The following FAM200A variants were observed in gnomAD, a reference collection of about 807,000 sequenced individuals.
FAM200A encodes ZBED8 like.
Under a neutral mutation model 44.2 loss-of-function variants are expected in FAM200A, and 26 were observed. The observed-to-expected ratio is 0.59, with a 90% confidence interval of 0.43 to 0.82. The LOEUF is 0.82. Ranked by LOEUF, FAM200A falls within the 40% of genes least tolerant of loss-of-function variation. The pLI is 0.00. For missense variants in FAM200A, 606 were observed against 669.5 expected, an observed-to-expected ratio of 0.91 and a Z score of 1.05; for synonymous variants, 206 against 244.4, an observed-to-expected ratio of 0.84 and a Z score of 1.47.
intron 1 of FAM200A, among the ~76,000 whole-genome samples, chr7:99,550,608 T>G (rs1040831449): frequency 1.3e-5 from 2 of 152,166 alleles, no homozygotes; most frequent in Non-Finnish European, 2.9e-5. Context: ...TAGGACACAT[T>G]TGAGACTTGG....
intron 1 of FAM200A, among the ~76,000 whole-genome samples, chr7:99,549,242 A>G (rs1436717464): frequency 6.8e-6 from 1 of 146,844 alleles, no homozygotes; most frequent in African/African-American, 2.5e-5. Context: ...TTCATGTTAC[A>G]TAGATCCATG....
At chr7:99,558,232 C>A (rs1041769392) in intron 1 of FAM200A, 2 of 152,324 alleles carry the variant, frequency 1.3e-5, no homozygotes, top group South Asian at 4.1e-4. Flanking sequence ...TCTGAGCAGG[C>A]ACCCCTGTGC....
intron 1 of FAM200A, among the ~76,000 whole-genome samples, chr7:99,550,275 T>A (rs1021846667): frequency 6.6e-6 from 1 of 152,058 alleles, no homozygotes; most frequent in African/African-American, 2.4e-5. Context: ...CAGGCCCAGC[T>A]AATTTTTGTC....
chr7:99,552,305 G>A (rs1045425289), upstream of FAM200A, among the ~76,000 whole-genome samples: 6 of 152,296 alleles, frequency 3.9e-5, no homozygotes, highest in Middle Eastern at 3.4e-3. Context: ...CCTTTATACC[G>A]CCCTGCTCAG....
chr7:99,547,688 G>A lies in FAM200A; in HGVS notation c.720C>T (p.His240=). The change falls in exon 2 of 2, where the codon CAC becomes CAT. Residue 240 remains histidine (H), a synonymous_variant. Transcript: ENST00000449309. The part of the protein sequence containing the change: ...EATHNNAVWN[H]CFIHREALVS... Reference sequence around the variant, plus strand: ...CCAAAGCTTCTCGATGAATAAAACAGTGATTCCAAACAGCATTGTTGTGGG... The same window carrying A: ...CCAAAGCTTCTCGATGAATAAAACAATGATTCCAAACAGCATTGTTGTGGG... 1 of 1,551,284 alleles carries A rather than the reference G, an allele frequency of 6.4e-7. No individual in the cohort carries two copies. Among genetic ancestry groups the A allele is most frequent in the Non-Finnish European group, 8.7e-7 (1 of 1,146,894 alleles).
chr7:99,547,979 T>C lies in FAM200A; in HGVS notation c.429A>G (p.Gln143=). 6.4e-7 allele frequency: 1 copy of C among 1,551,436 alleles called. No individual in the cohort carries two copies. Among genetic ancestry groups the C allele is most frequent in the Non-Finnish European group, 8.7e-7 (1 of 1,146,980 alleles). Residue 143 remains glutamine (Q), a synonymous_variant, in exon 2 of 2, where the codon CAA becomes CAG. Coordinates refer to ENST00000449309, the MANE Select transcript of FAM200A (RefSeq NM_145111.4). ...TTGCAATATCAGTGCTCTCATCGAG[T>C]TGGATTGCAAAGTCTATACCGGACT... ...RLQSGIDFAI[Q]LDESTDIASC...
chr7:99,558,236 C>G (rs1802764088), intron 1 of FAM200A: 1 of 152,354 alleles, frequency 6.6e-6, no homozygotes, highest in South Asian at 2.1e-4. Flanking sequence ...AGCAGGCACC[C>G]CTGTGCTACT....
rs919460861 is a variant in FAM200A, at chr7:99,552,075, T to A, written c.-321A>T. 1.0e-6 allele frequency: 1 copy of A among 985,376 alleles called. No individual in the cohort carries two copies. The highest frequency in any genetic ancestry group is 1.7e-5 in the African/African-American group (1 of 57,326). 61.0% of individuals were successfully genotyped at this position (985,376 alleles called of 1,614,324 possible). ...GGGGACCAGGAGCACTAGACTCACA[T>A]CCAAGCCCCCTGGCCTTCAGAGCCC... On this transcript the variant is annotated 5_prime_UTR_variant, in exon 1 of 2. An upstream start codon of the reference 5' UTR is lost. Transcript: ENST00000449309.
intron 1 of FAM200A, among the ~76,000 whole-genome samples, chr7:99,549,820 G>A (rs1444336491): frequency 1.3e-5 from 2 of 152,052 alleles, no homozygotes; most frequent in African/African-American, 4.8e-5. Context: ...AACACTGCAT[G>A]TTCTCATTCA....
upstream of FAM200A, among the ~76,000 whole-genome samples, chr7:99,555,282 T>A (rs1802656363): frequency 6.6e-6 from 1 of 152,166 alleles, no homozygotes; most frequent in Non-Finnish European, 1.5e-5. Flanking sequence ...CTTCTTACGA[T>A]GCCAAGGAAT....
intron 1 of FAM200A, among the ~76,000 whole-genome samples, chr7:99,549,984 C>T (rs1004163933): frequency 1.3e-5 from 2 of 151,692 alleles, no homozygotes; most frequent in Non-Finnish European, 2.9e-5. Context: ...ACCAACATGG[C>T]ACATGTATAC....
At position 99,551,876 on chromosome 7, in the gene FAM200A, T is replaced by C. The variant is rs1584226029; in HGVS notation, c.-122A>G. On this transcript the variant is annotated 5_prime_UTR_variant, in exon 1 of 2. Transcript: ENST00000449309. The stretch of plus-strand genomic sequence containing the variant: ...CACCTGTATCCAGGGACACCTCTGC[T>C]GGGGGACAGCGCTTGCCACCGCCGA... The C allele has an allele frequency of 1.0e-6, 1 of 985,506 alleles. No homozygotes were observed. The allele number at this position is 985,506 out of a possible 1,614,324, so 61.0% of individuals were successfully genotyped here.
chr7:99,552,598 G>C (rs1802562070), upstream of FAM200A, among the ~76,000 whole-genome samples: 1 of 152,122 alleles, frequency 6.6e-6, no homozygotes, highest in South Asian at 2.1e-4. Flanking sequence ...ATGTTTCCAG[G>C]GAGTTTTCAG....
upstream of FAM200A, among the ~76,000 whole-genome samples, chr7:99,553,470 T>C (rs1802613958): frequency 6.6e-6 from 1 of 152,132 alleles, no homozygotes; most frequent in Non-Finnish European, 1.5e-5. Flanking sequence ...TTTCTTTGCC[T>C]ACGGACCTAC....
upstream of FAM200A, among the ~76,000 whole-genome samples, chr7:99,555,039 T>C (rs908803065): frequency 6.6e-6 from 1 of 152,222 alleles, no homozygotes; most frequent in Non-Finnish European, 1.5e-5. Flanking sequence ...TGGGTTGAAT[T>C]GTACCTCCAC....
At chr7:99,556,598 A>T (rs1329488543), upstream of FAM200A, among the ~76,000 whole-genome samples, 2 of 152,132 alleles carry the variant, frequency 1.3e-5, no homozygotes, top group Non-Finnish European at 2.9e-5. Flanking sequence ...ATACCATACC[A>T]TCCTGATTAC....
Position 99,548,549 on chromosome 7 carries a change from T to C in FAM200A, c.-99-43A>G. On this transcript the variant is annotated intron_variant, in intron 1 of 1. Coordinates refer to ENST00000449309, the MANE Select transcript of FAM200A (RefSeq NM_145111.4). ...GTAACAGCAGTATTAAAAAGCAACA[T>C]GGTATTGCTGGGCTAACAACTCATA... The C allele has an allele frequency of 4.3e-6, 6 of 1,406,234 alleles. No individual in the cohort carries two copies. The South Asian group carries it at 9.2e-5, about 21-fold the overall frequency. The allele number at this position is 1,406,234 out of a possible 1,614,324, so 87.1% of individuals were successfully genotyped here.
intron 1 of FAM200A, 138 bp downstream of exon 1, chr7:99,551,716 T>G (rs1036377160): frequency 1.5e-6 from 1 of 659,714 alleles, no homozygotes; most frequent in Non-Finnish European, 1.9e-6. Flanking sequence ...AGCACAGATA[T>G]CTGACTGGGG....
Position 99,548,149 on chromosome 7 carries a change from G to C in FAM200A, c.259C>G (p.Pro87Ala). The C allele has an allele frequency of 6.4e-7, 1 of 1,551,986 alleles. No individual in the cohort carries two copies. The highest frequency in any genetic ancestry group is 8.7e-7 in the Non-Finnish European group (1 of 1,147,078). Residue 87 changes from proline to alanine, a missense_variant, in exon 2 of 2, where the codon CCA becomes GCA. Coordinates refer to ENST00000449309, the MANE Select transcript of FAM200A (RefSeq NM_145111.4). Reference protein sequence around the residue: ...AHTAAEKIILPACMDMVRTIF... With the variant: ...AHTAAEKIILAACMDMVRTIF... Reference sequence around the variant, plus strand: ...GTCCGTACCATGTCCATACATGCTGGAAGGATAATTTTTTCAGCCGCTGTG... The same window carrying C: ...GTCCGTACCATGTCCATACATGCTGCAAGGATAATTTTTTCAGCCGCTGTG...
Sources: allele counts gnomAD v4.1 joint callset (sites outside exome capture counted in the v4.1 genomes callset), GRCh38; gene constraint gnomAD v4.1.1; transcripts MANE v1.5; gene names NCBI Gene and HGNC (gene_info 2026-07-23, HGNC 2026-07-21).